The following ZNF281 variants were observed in gnomAD, a reference collection of about 807,000 sequenced individuals.
The protein encoded by ZNF281 is GC-box-binding zinc finger protein 1.
ZNF281 carries 2 observed loss-of-function variants against 58.8 expected under a neutral mutation model. That is an observed-to-expected ratio of 0.03 (90% CI 0.01 to 0.11). ZNF281 has a LOEUF of 0.11. ZNF281 is among the 10% of genes least tolerant of loss of function. The probability of loss-of-function intolerance (pLI) is 1.00; values close to 1 mark genes in which losing one functional copy is unlikely to be tolerated. For missense variants in ZNF281, 975 were observed against 1,090.7 expected (o/e 0.89, Z 1.49); for synonymous variants, 465 against 407.7 (o/e 1.14, Z -1.69).
In ZNF281 at chr1:200,407,744, G is replaced by C. The variant is rs1172714675; in HGVS notation, c.1962C>G (p.Thr654=). Residue 654 remains threonine (T), a synonymous_variant, in exon 2 of 2, where the codon ACC becomes ACG. Transcript: ENST00000367353. The stretch of plus-strand genomic sequence containing the variant: ...TTGCTTTATCATTTGAAGGTGTTTG[G>C]GTGCCTGGGCTCAAATTTTCTTCTT... ...LVQEENLSPG[T]QTPSNDKASM... is the part of the protein sequence containing the mutation. The C allele has an allele frequency of 6.2e-7, 1 of 1,614,074 alleles. No individual in the cohort carries two copies. Among genetic ancestry groups the C allele is most frequent in the Admixed American group, 1.7e-5 (1 of 60,016 alleles).
rs904054024 is a variant in ZNF281 at position 200,405,431 on chromosome 1, C to G, written c.*1587G>C. 6.6e-6 allele frequency: 1 copy of G among 152,118 alleles called. No homozygotes were observed. The highest frequency in any genetic ancestry group is 1.5e-5 in the Non-Finnish European group (1 of 68,020). The allele number at this position is 152,118 out of a possible 1,614,324, so 9.4% of individuals were successfully genotyped here. ...ATGGAAGCCTGCGGTAGGCTGATTA[C>G]ACAATAAGACTGCAAACAACCAGTG... On this transcript the variant is annotated 3_prime_UTR_variant, in exon 2 of 2. Coordinates refer to ENST00000367353, the MANE Select transcript of ZNF281 (RefSeq NM_001281293.2).
chr1:200,405,860 T>A lies in ZNF281; in HGVS notation c.*1158A>T, dbSNP rs959921708. On this transcript the variant is annotated 3_prime_UTR_variant, in exon 2 of 2. Coordinates refer to ENST00000367353, the MANE Select transcript of ZNF281 (RefSeq NM_001281293.2). ...GTTTTATTACATATGGAAATCTGTA[T>A]GGGTTTTTTTTTTTTTAAAGGTGGG... The A allele has an allele frequency of 1.2e-5, 1 of 81,792 alleles. No individual in the cohort carries two copies. The highest frequency in any genetic ancestry group is 3.9e-4 in the South Asian group (1 of 2,548). 5.1% of individuals were successfully genotyped at this position (81,792 alleles called of 1,614,324 possible).
Position 200,408,310 on chromosome 1 carries a change from T to C in ZNF281, c.1396A>G (p.Ile466Val). The C allele has an allele frequency of 6.2e-7, 1 of 1,612,770 alleles. No homozygotes were observed. The highest frequency in any genetic ancestry group is 1.1e-5 in the South Asian group (1 of 91,088). The change falls in exon 2 of 2, where the codon ATC becomes GTC. Residue 466 changes from isoleucine (I) to valine (V), a missense_variant. Ile to Val is a conservative substitution (Grantham distance 29, BLOSUM62 3). Transcript: ENST00000367353. ...DELQKRVPKL[I>V]FKKGSRKNTD... ...TTCTTTCTGCTTCCTTTCTTAAAGA[T>C]CAATTTTGGCACCCTCTTCTGCAGT...
Position 200,407,440 on chromosome 1 carries a change from G to A in ZNF281, c.2266C>T (p.His756Tyr). 6.2e-7 allele frequency: 1 copy of A among 1,614,210 alleles called. No homozygotes were observed. Among genetic ancestry groups the A allele is most frequent in the Admixed American group, 1.7e-5 (1 of 60,026 alleles). Residue 756 changes from histidine to tyrosine, a missense_variant, in exon 2 of 2, where the codon CAT becomes TAT. Coordinates refer to ENST00000367353, the MANE Select transcript of ZNF281 (RefSeq NM_001281293.2). Reference sequence around the variant, plus strand: ...TCCTGGGAAGGTGTCAACTGCTGATGTGTAGCATCCAAAGCAGACAAATAA... The same window carrying A: ...TCCTGGGAAGGTGTCAACTGCTGATATGTAGCATCCAAAGCAGACAAATAA... The part of the protein sequence containing the change: ...GLYLSALDAT[H>Y]QQLTPSQELD...
In ZNF281 at chr1:200,409,602, C is replaced by T. The variant is rs1197498161; in HGVS notation, c.104G>A (p.Ser35Asn). The T allele has an allele frequency of 6.5e-7, 1 of 1,549,320 alleles. No homozygotes were observed. Among genetic ancestry groups the T allele is most frequent in the Admixed American group, 2.0e-5 (1 of 51,020 alleles). ...GGSGGGGGGGSSGRRAEMEPT... is the reference protein window; with the variant it reads ...GGSGGGGGGGNSGRRAEMEPT... Reference sequence around the variant, plus strand: ...TTCCATCTCTGCCCTCCTGCCGCTGCTGCCGCCGCCGCCGCCGCCGCCACT... The same window carrying T: ...TTCCATCTCTGCCCTCCTGCCGCTGTTGCCGCCGCCGCCGCCGCCGCCACT... Residue 35 changes from serine to asparagine, a missense_variant, in exon 2 of 2, where the codon AGC becomes AAC. This residue lies in a region of ZNF281 where 370 missense variants were observed against 360.9 expected (regional missense o/e 1.03). Coordinates refer to ENST00000367353, the MANE Select transcript of ZNF281 (RefSeq NM_001281293.2).
rs1654531771 is a variant in ZNF281 at position 200,409,057 on chromosome 1, T to C, written c.649A>G (p.Asn217Asp). 6.2e-7 allele frequency: 1 copy of C among 1,614,204 alleles called. No individual in the cohort carries two copies. The highest frequency in any genetic ancestry group is 8.5e-7 in the Non-Finnish European group (1 of 1,180,026). Residue 217 changes from asparagine to aspartate, a missense_variant, in exon 2 of 2, where the codon AAT (asparagine) becomes GAT (aspartate). Physicochemically the swap from Asn to Asp is conservative, Grantham distance 23. Coordinates refer to ENST00000367353, the MANE Select transcript of ZNF281 (RefSeq NM_001281293.2). ...TTTGGCCTTTTTGCCTTTTTGACATTAGTGTCCTGCTTTGGCTCCTCAGTG... is the reference window on the plus strand; with the variant it reads ...TTTGGCCTTTTTGCCTTTTTGACATCAGTGTCCTGCTTTGGCTCCTCAGTG... ...HGTEEPKQDT[N>D]VKKAKRPKPE...
Position 200,408,951 on chromosome 1 carries a change from G to A in ZNF281, c.755C>T (p.Ala252Val). ...AGGTTTCTGACTTGGGGAGAGGATG[G>A]CACCTTCTCCATCTCCAACCAAAGA... ...KPSLVGDGEG[A>V]ILSPSQKPHI... The change falls in exon 2 of 2, where the codon GCC becomes GTC. Residue 252 changes from alanine (A) to valine (V), a missense_variant. Transcript: ENST00000367353. 6.2e-7 allele frequency: 1 copy of A among 1,614,216 alleles called. No homozygotes were observed. Among genetic ancestry groups the A allele is most frequent in the Non-Finnish European group, 8.5e-7 (1 of 1,180,040 alleles).
chr1:200,406,747 G>A lies in ZNF281; in HGVS notation c.*271C>T, dbSNP rs1558004011. Reference sequence around the variant, plus strand: ...TTTTTTTTGCGTTTAAAACATTTGGGCTATTCCCTGACGATCTATACATGT... The same window carrying A: ...TTTTTTTTGCGTTTAAAACATTTGGACTATTCCCTGACGATCTATACATGT... On this transcript the variant is annotated 3_prime_UTR_variant, in exon 2 of 2. Coordinates refer to ENST00000367353, the MANE Select transcript of ZNF281 (RefSeq NM_001281293.2). 1 of 285,090 alleles carries A rather than the reference G, an allele frequency of 3.5e-6. No homozygotes were observed. The highest frequency in any genetic ancestry group is 6.4e-6 in the Non-Finnish European group (1 of 156,512). The allele number at this position is 285,090 out of a possible 1,614,324, so 17.7% of individuals were successfully genotyped here.
rs756735296 is a variant in ZNF281, at chr1:200,409,603, T to TGCC, written c.100_102dup (p.Gly34dup). 539 of 1,548,066 alleles carry TGCC rather than the reference T, an allele frequency of 3.5e-4. 1 individual carries two copies. In the East Asian group the frequency reaches 4.7e-3, roughly 14 times the overall value. On this transcript the variant is annotated inframe_insertion, in exon 2 of 2. Coordinates refer to ENST00000367353, the MANE Select transcript of ZNF281 (RefSeq NM_001281293.2). ...TCCATCTCTGCCCTCCTGCCGCTGC[T>TGCC]GCCGCCGCCGCCGCCGCCGCCACTA...
In ZNF281 at chr1:200,406,200, C is replaced by A. The variant is rs1272087161; in HGVS notation, c.*818G>T. 5 of 152,492 alleles carry A rather than the reference C, an allele frequency of 3.3e-5. No individual in the cohort carries two copies. Among genetic ancestry groups the A allele is most frequent in the African/African-American group, 1.2e-4 (5 of 41,432 alleles). 9.4% of individuals were successfully genotyped at this position (152,492 alleles called of 1,614,324 possible). ...TACTGGAACCAGCCAACCACTTGGGCTTCAACACTGTACTAGATGTCAGTA... is the reference window on the plus strand; with the variant it reads ...TACTGGAACCAGCCAACCACTTGGGATTCAACACTGTACTAGATGTCAGTA... On this transcript the variant is annotated 3_prime_UTR_variant, in exon 2 of 2. Transcript: ENST00000367353.
In ZNF281 at chr1:200,408,529, C is replaced by G. The variant is rs1447101917; in HGVS notation, c.1177G>C (p.Val393Leu). The G allele has an allele frequency of 3.7e-6, 6 of 1,614,236 alleles. No individual in the cohort carries two copies. The highest frequency in any genetic ancestry group is 5.1e-6 in the Non-Finnish European group (6 of 1,180,044). Reference sequence around the variant, plus strand: ...GAACTTGTATTTCCCTGAGACAACACAGCCAGATTACCCATATTGGTATGG... The same window carrying G: ...GAACTTGTATTTCCCTGAGACAACAGAGCCAGATTACCCATATTGGTATGG... ...SNHTNMGNLA[V>L]LSQGNTSSSR... The change falls in exon 2 of 2, where the codon GTG (valine) becomes CTG (leucine). Residue 393 changes from valine (V) to leucine (L), a missense_variant. By Grantham distance (32) the Val-to-Leu change is conservative (BLOSUM62 1). Around this residue, in one of 3 missense-constraint regions of ZNF281, gnomAD observed 579 missense variants for 608.9 expected, o/e 0.95. Coordinates refer to ENST00000367353, the MANE Select transcript of ZNF281 (RefSeq NM_001281293.2).
chr1:200,409,776 C>T lies in ZNF281; in HGVS notation c.-18-53G>A, dbSNP rs888388163. 8 of 1,520,524 alleles carry T rather than the reference C, an allele frequency of 5.3e-6. No homozygotes were observed. In the East Asian group the frequency reaches 9.7e-5, roughly 18 times the overall value. 94.2% of individuals were successfully genotyped at this position (1,520,524 alleles called of 1,614,324 possible). On this transcript the variant is annotated intron_variant, in intron 1 of 1. Coordinates refer to ENST00000367353, the MANE Select transcript of ZNF281 (RefSeq NM_001281293.2). Reference sequence around the variant, plus strand: ...AGGGAGGAAAGGAGGTGGAACCGGGCCCCGGGCCGGGACCACCGCAGCGCT... The same window carrying T: ...AGGGAGGAAAGGAGGTGGAACCGGGTCCCGGGCCGGGACCACCGCAGCGCT...
In ZNF281 at chr1:200,409,388, C is replaced by G. The variant is rs1484458964; in HGVS notation, c.318G>C (p.Ala106=). The G allele has an allele frequency of 2.9e-5, 44 of 1,521,062 alleles. No individual in the cohort carries two copies. In the East Asian group the frequency reaches 1.0e-3, roughly 36 times the overall value. 94.2% of individuals were successfully genotyped at this position (1,521,062 alleles called of 1,614,324 possible). A position where few individuals can be genotyped will look rare whatever the true frequency, so the allele number is the denominator to read the frequency against. ...PDMTFKKEPA[A]SAAAFPSQRT... ...TCTGCGAGGGGAAGGCCGCGGCTGACGCCGCCGGCTCCTTCTTGAAAGTCA... is the reference window on the plus strand; with the variant it reads ...TCTGCGAGGGGAAGGCCGCGGCTGAGGCCGCCGGCTCCTTCTTGAAAGTCA... Residue 106 remains alanine, a synonymous_variant, in exon 2 of 2, where the codon GCG becomes GCC. Transcript: ENST00000367353.
In ZNF281 at chr1:200,408,953, A is replaced by ACCTTCT; in HGVS notation, c.747_752dup (p.Glu250_Gly251dup). On this transcript the variant is annotated inframe_insertion, in exon 2 of 2. Coordinates refer to ENST00000367353, the MANE Select transcript of ZNF281 (RefSeq NM_001281293.2). Reference sequence around the variant, plus strand: ...GTTTCTGACTTGGGGAGAGGATGGCACCTTCTCCATCTCCAACCAAAGAAG... The same window carrying ACCTTCT: ...GTTTCTGACTTGGGGAGAGGATGGCACCTTCTCCTTCTCCATCTCCAACCAAAGAAG... 6.2e-7 allele frequency: 1 copy of ACCTTCT among 1,614,202 alleles called. No homozygotes were observed. The highest frequency in any genetic ancestry group is 8.5e-7 in the Non-Finnish European group (1 of 1,180,044).
rs1654452604 is a variant in ZNF281, at chr1:200,406,471, T to A, written c.*547A>T. 1 of 152,672 alleles carries A rather than the reference T, an allele frequency of 6.5e-6. No individual in the cohort carries two copies. The allele number at this position is 152,672 out of a possible 1,614,324, so 9.5% of individuals were successfully genotyped here. ...CAGATGGAGATAGCAATTTGAAATG[T>A]CTTCGATCCCTTACTTAAATGACGA... is the stretch of plus-strand genomic sequence containing the variant. On this transcript the variant is annotated 3_prime_UTR_variant, in exon 2 of 2. Transcript: ENST00000367353.
rs1297949888 is a variant in ZNF281, at chr1:200,408,188, T to C, written c.1518A>G (p.Val506=). 6 of 1,613,730 alleles carry C rather than the reference T, an allele frequency of 3.7e-6. No individual in the cohort carries two copies. The highest frequency in any genetic ancestry group is 3.3e-5 in the South Asian group (3 of 91,088). The change falls in exon 2 of 2, where the codon GTA becomes GTG. Residue 506 remains valine (V), a synonymous_variant. Coordinates refer to ENST00000367353, the MANE Select transcript of ZNF281 (RefSeq NM_001281293.2). ...SGKPSGSLGI[V]SNNSVETIGL... ...CAATGGTCTCCACACTATTATTTGA[T>C]ACTATGCCAAGTGAGCCACTTGGTT...
rs756168059 is a variant in ZNF281 at position 200,408,592 on chromosome 1, C to T, written c.1114G>A (p.Val372Ile). The T allele has an allele frequency of 6.2e-7, 1 of 1,614,212 alleles. No individual in the cohort carries two copies. Among genetic ancestry groups the T allele is most frequent in the Non-Finnish European group, 8.5e-7 (1 of 1,180,034 alleles). The change falls in exon 2 of 2, where the codon GTT (valine) becomes ATT (isoleucine). Residue 372 changes from valine to isoleucine, a missense_variant. Physicochemically the swap from Val to Ile is conservative, Grantham distance 29. Coordinates refer to ENST00000367353, the MANE Select transcript of ZNF281 (RefSeq NM_001281293.2). The stretch of plus-strand genomic sequence containing the variant: ...GGTTCTGCACTAGTGGCTCCTTTAA[C>T]TATGACTTCACCACATGTGCGCCTG... Reference protein sequence around the residue: ...KHRRTCGEVIVKGATSAEPGS... With the variant: ...KHRRTCGEVIIKGATSAEPGS...
chr1:200,407,950 A>G lies in ZNF281; in HGVS notation c.1756T>C (p.Ser586Pro). ...DNEAPLSLID[S>P]SALNAEIKSC... ...TTAATTTCAGCATTTAGAGCTGAGGAGTCAATAAGTGACAATGGTGCCTCA... is the reference window on the plus strand; with the variant it reads ...TTAATTTCAGCATTTAGAGCTGAGGGGTCAATAAGTGACAATGGTGCCTCA... The change falls in exon 2 of 2, where the codon TCC becomes CCC. Residue 586 changes from serine (S) to proline (P), a missense_variant. By Grantham distance (74) the Ser-to-Pro change is moderately conservative. Around this residue, in one of 3 missense-constraint regions of ZNF281, gnomAD observed 579 missense variants for 608.9 expected, o/e 0.95. Transcript: ENST00000367353. The G allele has an allele frequency of 1.2e-6, 2 of 1,614,162 alleles. No individual in the cohort carries two copies. Among genetic ancestry groups the G allele is most frequent in the Non-Finnish European group, 1.7e-6 (2 of 1,180,006 alleles).
rs1326771874 is a variant in ZNF281, at chr1:200,406,123, T to C, written c.*895A>G. Reference sequence around the variant, plus strand: ...ACCGTTGTAGGCCATGTATAATAAATAATGCATGCCCCAAATTTCAGTTAA... The same window carrying C: ...ACCGTTGTAGGCCATGTATAATAAACAATGCATGCCCCAAATTTCAGTTAA... On this transcript the variant is annotated 3_prime_UTR_variant, in exon 2 of 2. Transcript: ENST00000367353. 6.6e-6 allele frequency: 1 copy of C among 152,312 alleles called. No individual in the cohort carries two copies. Among genetic ancestry groups the C allele is most frequent in the Non-Finnish European group, 1.5e-5 (1 of 68,022 alleles). 9.4% of individuals were successfully genotyped at this position (152,312 alleles called of 1,614,324 possible).
Sources: allele counts gnomAD v4.1 joint callset, GRCh38; gene constraint gnomAD v4.1.1; regional missense constraint gnomAD v4.1.1; transcripts MANE v1.5; gene names NCBI Gene and HGNC (gene_info 2026-07-23, HGNC 2026-07-21).